Variants in RERE observed in about 807,000 individuals in gnomAD.
The protein encoded by RERE is arginine-glutamic acid dipeptide repeats protein.
A neutral mutation model predicts 146.1 loss-of-function variants in RERE; 40 were observed. The observed-to-expected ratio is 0.27, with a 90% confidence interval of 0.21 to 0.36. The LOEUF (loss-of-function observed/expected upper bound fraction) is 0.36. RERE is among the 10% of genes least tolerant of loss of function. RERE has a pLI of 1.00. For synonymous variants in RERE, 1,003 were observed against 866.0 expected, an observed-to-expected ratio of 1.16 and a Z score of -2.78; for missense variants, 1,933 against 2,138.7, an observed-to-expected ratio of 0.90 and a Z score of 1.90.
intron 1 of RERE, among the ~76,000 whole-genome samples, chr1:8,784,102 C>A (rs1641217852): frequency 6.6e-6 from 1 of 152,178 alleles, no homozygotes; most frequent in South Asian, 2.1e-4. Context: ...ACTGACACAC[C>A]ACTCTACCCC....
intron 11 of RERE, among the ~76,000 whole-genome samples, chr1:8,441,390 C>A (rs1386293728): frequency 6.6e-6 from 1 of 152,220 alleles, no homozygotes; most frequent in Non-Finnish European, 1.5e-5. Flanking sequence ...CCCCCTCTCA[C>A]TTCACAAAGG....
chr1:8,711,383 C>T (rs1027147879), intron 1 of RERE, among the ~76,000 whole-genome samples: 1 of 151,966 alleles, frequency 6.6e-6, no homozygotes, highest in East Asian at 1.9e-4. Flanking sequence ...AGTGTGCAGC[C>T]GTCTCATGGA....
At chr1:8,485,221 C>T (rs1644883524) in intron 10 of RERE, among the ~76,000 whole-genome samples, 1 of 152,022 alleles carries the variant, frequency 6.6e-6, no homozygotes, top group Non-Finnish European at 1.5e-5. Flanking sequence ...ATTCACTGGA[C>T]GTGGTGCCGC....
intron 10 of RERE, among the ~76,000 whole-genome samples, chr1:8,468,865 C>T (rs1254075124): frequency 6.7e-6 from 1 of 149,388 alleles, no homozygotes; most frequent in Admixed American, 6.7e-5. Flanking sequence ...CACTGCACTA[C>T]AAGTCCGGGT....
In RERE at chr1:8,360,960, C is replaced by T; in HGVS notation, c.2547G>A (p.Gln849=). Reference sequence around the variant, plus strand: ...GCAGGCTGTGAGGGCCGGGTGGGCCCTGACCGTGCAGTGGGGGCTGGGCAT... The same window carrying T: ...GCAGGCTGTGAGGGCCGGGTGGGCCTTGACCGTGCAGTGGGGGCTGGGCAT... The part of the protein sequence containing the change: ...PSHAQPPLHG[Q]GPPGPHSLQA... Residue 849 remains glutamine, a synonymous_variant, in exon 18 of 23, where the codon CAG becomes CAA. Transcript: ENST00000400908. 6.9e-7 allele frequency: 1 copy of T among 1,452,270 alleles called. No homozygotes were observed. Among genetic ancestry groups the T allele is most frequent in the South Asian group, 1.4e-5 (1 of 69,944 alleles). 90.0% of individuals were successfully genotyped at this position (1,452,270 alleles called of 1,614,324 possible).
intron 4 of RERE, among the ~76,000 whole-genome samples, chr1:8,597,923 A>G (rs1024087930): frequency 3.9e-5 from 6 of 152,162 alleles, no homozygotes; most frequent in Non-Finnish European, 5.9e-5. Context: ...AATAGCAGGA[A>G]GGTATCTCAT....
intron 1 of RERE, among the ~76,000 whole-genome samples, chr1:8,701,097 T>C (rs1202936264): frequency 6.6e-6 from 1 of 152,122 alleles, no homozygotes; most frequent in Non-Finnish European, 1.5e-5. Flanking sequence ...AGCCAATGCA[T>C]TCTGACCTAA....
intron 17 of RERE, 118 bp from the exon 18 acceptor site, chr1:8,361,608 G>C: frequency 7.0e-7 from 1 of 1,435,222 alleles, no homozygotes; most frequent in Non-Finnish European, 9.6e-7. Context: ...GCTTGGCTCC[G>C]GGACCACAGG....
chr1:8,607,534 C>CTTTTTTCTTTTCTTTTTTTTTTTTTTTT (rs1646733411), intron 4 of RERE, among the ~76,000 whole-genome samples: 1 of 48,584 alleles, frequency 2.1e-5, no homozygotes, highest in African/African-American at 8.6e-5. Context: ...ATATATATTT[C>CTTTTTTCTTTTCTTTTTTTTTTTTTTTT]TTTTTTTTTT....
chr1:8,689,752 T>A (rs1473009820), intron 1 of RERE, among the ~76,000 whole-genome samples: 1 of 149,330 alleles, frequency 6.7e-6, no homozygotes, highest in Non-Finnish European at 1.5e-5. Context: ...AAGGTGCCCA[T>A]CGAAGGAGCA....
At chr1:8,767,156 G>A (rs1232389824) in intron 1 of RERE, among the ~76,000 whole-genome samples, 1 of 152,076 alleles carries the variant, frequency 6.6e-6, no homozygotes, top group Non-Finnish European at 1.5e-5. Context: ...GGTATCACTG[G>A]CATGTAGCAT....
intron 4 of RERE, among the ~76,000 whole-genome samples, chr1:8,562,492 T>C (rs1253079888): frequency 3.9e-5 from 6 of 152,050 alleles, no homozygotes; most frequent in Non-Finnish European, 7.4e-5. Flanking sequence ...GTTTGTTTGT[T>C]TGTTTGTTTG....
intron 12 of RERE, among the ~76,000 whole-genome samples, chr1:8,416,691 G>A (rs1356601191): frequency 6.6e-6 from 1 of 151,664 alleles, no homozygotes; most frequent in Non-Finnish European, 1.5e-5. Context: ...GCAATAATTA[G>A]AAAAACAAAA....
At chr1:8,660,060 T>G (rs1570576591) in intron 1 of RERE, among the ~76,000 whole-genome samples, 1 of 151,968 alleles carries the variant, frequency 6.6e-6, no homozygotes, top group East Asian at 1.9e-4. Context: ...ATTAATATAT[T>G]AAATTATATG....
intron 1 of RERE, among the ~76,000 whole-genome samples, chr1:8,784,160 G>A (rs924740271): frequency 2.6e-5 from 4 of 152,090 alleles, no homozygotes; most frequent in African/African-American, 9.7e-5. Context: ...CCCACTTCAG[G>A]ACCTTTCCAC....
Position 8,386,577 on chromosome 1 carries a change from C to A in RERE, c.1285-20603G>T, listed in dbSNP as rs1421223681. ...TTAAGATGAATATCTAGAACTCTTA[C>A]AAATGAAAAAGAAAAGGACAATCCA... On this transcript the variant is annotated intron_variant, in intron 12 of 22. Coordinates refer to ENST00000400908, the MANE Select transcript of RERE (RefSeq NM_001042681.2). 3.6e-5 allele frequency among the ~76,000 whole-genome samples: 2 copies of A among 55,590 alleles called. 1 individual carries two copies. The highest frequency in any genetic ancestry group is 1.0e-4 in the Non-Finnish European group (2 of 19,664). The allele number at this position is 55,590 out of a possible 152,430, so 36.5% of individuals were successfully genotyped here. A position where few individuals can be genotyped will look rare whatever the true frequency, so the allele number is the denominator to read the frequency against.
At chr1:8,404,432 CA>C (rs1382214706) in intron 12 of RERE, among the ~76,000 whole-genome samples, 1 of 151,472 alleles carries the variant, frequency 6.6e-6, no homozygotes, top group African/African-American at 2.4e-5. Flanking sequence ...AAAAAACAAA[CA>C]AACAAAAAAA....
Position 8,556,469 on chromosome 1 carries a change from A to C in RERE, c.725+6T>G, listed in dbSNP as rs769649739. Reference sequence around the variant, plus strand: ...TCACATGGAAGAGCACGTCTCCAGTACTTACCTAAGGGCAGCAGCATGGTA... The same window carrying C: ...TCACATGGAAGAGCACGTCTCCAGTCCTTACCTAAGGGCAGCAGCATGGTA... On this transcript the variant is annotated splice_donor_region_variant and intron_variant, in intron 6 of 22. Transcript: ENST00000400908. 6 of 1,551,826 alleles carry C rather than the reference A, an allele frequency of 3.9e-6. No homozygotes were observed. The highest frequency in any genetic ancestry group is 5.3e-6 in the Non-Finnish European group (6 of 1,123,316).
chr1:8,361,794 T>C lies in RERE; in HGVS notation c.1985A>G (p.Asp662Gly). 6.2e-7 allele frequency: 1 copy of C among 1,614,000 alleles called. No individual in the cohort carries two copies. ...TTTTGTCTTCTTGGAGCTGGTCCTG[T>C]CAGCCTCCTCCGTATCAGAGGCCAC... Reference protein sequence around the residue: ...EKVASDTEEADRTSSKKTKTQ... With the variant: ...EKVASDTEEAGRTSSKKTKTQ... The change falls in exon 17 of 23, where the codon GAC (aspartate) becomes GGC (glycine). Residue 662 changes from aspartate to glycine, a missense_variant. This residue lies in a region of RERE where 1,255 missense variants were observed against 1,153.8 expected (regional missense o/e 1.09). Transcript: ENST00000400908.
Sources: gnomAD v4.1 joint callset for allele counts (sites outside exome capture counted in the v4.1 genomes callset) on GRCh38, gnomAD v4.1.1 for gene constraint, gnomAD v4.1.1 regional missense constraint, MANE v1.5 for transcripts, NCBI Gene and HGNC (gene_info 2026-07-23, HGNC 2026-07-21) for gene names.